TDRD12: variants seen among roughly 807,000 people sequenced by gnomAD.
TDRD12 encodes tudor domain containing 12, also known as putative ATP-dependent RNA helicase TDRD12.
A neutral mutation model predicts 133.5 loss-of-function variants in TDRD12; 158 were observed. The ratio of observed to expected loss-of-function variants is 1.18; its 90% CI spans 1.04 to 1.35. TDRD12 has a LOEUF of 1.35. Ranked by LOEUF, TDRD12 falls within the 40% of genes most tolerant of loss-of-function variation. The pLI, the probability that TDRD12 is intolerant of heterozygous loss-of-function variation, is 0.00. For missense variants in TDRD12, 1,443 were observed against 1,321.3 expected (o/e 1.09, Z -1.43); for synonymous variants, 460 against 477.9 (o/e 0.96, Z 0.49).
At chr19:32,819,037 C>T (rs1967287153) in intron 27 of TDRD12, among the ~76,000 whole-genome samples, 2 of 152,054 alleles carry the variant, frequency 1.3e-5, no homozygotes, top group Non-Finnish European at 1.5e-5. Flanking sequence ...ATAATGTGGG[C>T]CAGGCTTGGT....
chr19:32,813,771 C>T (rs1307982500), exon 25 of TDRD12: 1 of 1,523,700 alleles, frequency 6.6e-7, no homozygotes. Flanking sequence ...TTGGATTGAT[C>T]CAATGGTAAG....
At chr19:32,754,477 A>C (rs890146723) in intron 6 of TDRD12, among the ~76,000 whole-genome samples, 32 of 152,034 alleles carry the variant, frequency 2.1e-4, no homozygotes, top group East Asian at 5.8e-4. Flanking sequence ...AACAAAAAAA[A>C]CCGCCAAAAT....
chr19:32,809,470 C>A (rs1966922916), intron 22 of TDRD12, among the ~76,000 whole-genome samples: 1 of 152,212 alleles, frequency 6.6e-6, no homozygotes, highest in African/African-American at 2.4e-5. Flanking sequence ...TGCCAAGTGC[C>A]TACTTCTCAC....
At chr19:32,803,042 G>T in exon 21 of TDRD12, 6 of 1,535,954 alleles carry the variant, frequency 3.9e-6, no homozygotes, top group Non-Finnish European at 4.4e-6. Flanking sequence ...CAAGGTCCCC[G>T]CAGAGCTGTA....
At chr19:32,756,676 G>A (rs1357016949) in intron 7 of TDRD12, among the ~76,000 whole-genome samples, 13 of 152,060 alleles carry the variant, frequency 8.5e-5, no homozygotes, top group South Asian at 2.1e-4. Flanking sequence ...GCGTGACACC[G>A]CGCCCGGCCT....
chr19:32,802,872 G>A (rs1971440357), intron 20 of TDRD12, 50 bp from the exon 21 acceptor site: 7 of 1,528,100 alleles, frequency 4.6e-6, no homozygotes, highest in Non-Finnish European at 6.1e-6. Context: ...GGTTTCCTCA[G>A]TCAGACTGGG....
chr19:32,774,969 A>G (rs958635442), intron 10 of TDRD12, among the ~76,000 whole-genome samples: 2 of 152,014 alleles, frequency 1.3e-5, no homozygotes, highest in Non-Finnish European at 2.9e-5. Flanking sequence ...TGGGCAACAG[A>G]ACAAGACTCC....
chr19:32,811,214 C>A, exon 24 of TDRD12: 1 of 1,535,776 alleles, frequency 6.5e-7, no homozygotes, highest in South Asian at 1.2e-5. Flanking sequence ...CTCCAGGGTT[C>A]AGGTGTTGGA....
chr19:32,774,913 A>G (rs142332812), intron 10 of TDRD12, among the ~76,000 whole-genome samples: 1,529 of 151,940 alleles, frequency 0.01, 26 homozygotes, highest in African/African-American at 0.035. Flanking sequence ...TGAACCCAGG[A>G]GGCGGGGTTT....
At chr19:32,812,777 G>A (rs1599620633) in intron 24 of TDRD12, among the ~76,000 whole-genome samples, 1 of 152,196 alleles carries the variant, frequency 6.6e-6, no homozygotes, top group Non-Finnish European at 1.5e-5. Context: ...AGTGCAAGGG[G>A]GATGGAAACG....
chr19:32,802,570 C>T (rs913089478), intron 19 of TDRD12, 86 bp from the exon 20 acceptor site: 16 of 1,412,312 alleles, frequency 1.1e-5, no homozygotes, highest in African/African-American at 1.4e-5. Context: ...TATGGAAATG[C>T]ACTGCAGTGT....
chr19:32,806,651 CTTTATTTA>C (rs563231946), intron 21 of TDRD12, among the ~76,000 whole-genome samples: 5 of 150,616 alleles, frequency 3.3e-5, no homozygotes, highest in African/African-American at 4.9e-5. Flanking sequence ...CAAATACTGA[CTTTATTTA>C]TTTATTTATT....
chr19:32,780,718 A>G (rs1478239409), intron 11 of TDRD12, among the ~76,000 whole-genome samples: 1 of 151,968 alleles, frequency 6.6e-6, no homozygotes, highest in Non-Finnish European at 1.5e-5. Context: ...GTCACACAGC[A>G]CGGCTGCTTC....
chr19:32,751,861 T>C (rs1969838570), intron 6 of TDRD12, among the ~76,000 whole-genome samples: 1 of 152,054 alleles, frequency 6.6e-6, no homozygotes, highest in African/African-American at 2.4e-5. Context: ...TCTGCATTTT[T>C]AATTTTTATT....
chr19:32,736,000 A>G (rs1969211984), intron 2 of TDRD12, among the ~76,000 whole-genome samples: 1 of 152,128 alleles, frequency 6.6e-6, no homozygotes, highest in South Asian at 2.1e-4. Context: ...CGGTGTCTTT[A>G]AAGGACTAAA....
chr19:32,767,095 TA>T (rs545884901), intron 8 of TDRD12, among the ~76,000 whole-genome samples: 1,953 of 19,124 alleles, frequency 0.1, 23 homozygotes, highest in Non-Finnish European at 0.14. Flanking sequence ...TCATGCATTT[TA>T]TTTATTTATT....
chr19:32,756,606 T>G (rs1206175275), intron 7 of TDRD12, among the ~76,000 whole-genome samples: 1 of 152,156 alleles, frequency 6.6e-6, no homozygotes, highest in Non-Finnish European at 1.5e-5. Context: ...GCCAGGATGG[T>G]CTCAATCTCC....
rs973737724 is a variant in TDRD12 at position 32,756,148 on chromosome 19, T to A, written c.739T>A (p.Phe247Ile). Reference sequence around the variant, plus strand: ...TCCAGCACTTACACTCTGGCCAATGTTTTTGCAAGGAAAAGATGTTCAAGG... The same window carrying A: ...TCCAGCACTTACACTCTGGCCAATGATTTTGCAAGGAAAAGATGTTCAAGG... Residue 247 changes from phenylalanine (F) to isoleucine (I), a missense_variant, in exon 7 of 28, where the codon TTT (phenylalanine) becomes ATT (isoleucine). Coordinates refer to ENST00000444215, the Ensembl canonical transcript of TDRD12. 79 of 1,435,028 alleles carry A rather than the reference T, an allele frequency of 5.5e-5. No homozygotes were observed. The highest frequency in any genetic ancestry group is 1.1e-4 in the Admixed American group (3 of 27,396). 88.9% of individuals were successfully genotyped at this position (1,435,028 alleles called of 1,614,324 possible). A position where few individuals can be genotyped will look rare whatever the true frequency, so the allele number is the denominator to read the frequency against.
chr19:32,721,704 T>G (rs1359792747), intron 1 of TDRD12, among the ~76,000 whole-genome samples: 10 of 143,532 alleles, frequency 7.0e-5, no homozygotes, highest in African/African-American at 2.4e-4. Flanking sequence ...TTATTTTATT[T>G]TATTTTATTT....
Sources: gnomAD v4.1 joint callset for allele counts (sites outside exome capture counted in the v4.1 genomes callset) on GRCh38, gnomAD v4.1.1 for gene constraint, MANE v1.5 for transcripts, NCBI Gene and HGNC (gene_info 2026-07-23, HGNC 2026-07-21) for gene names.